The following MYRFL variants were observed in gnomAD, a reference collection of about 807,000 sequenced individuals.
MYRFL encodes myelin regulatory factor-like protein.
MYRFL carries 88 observed loss-of-function variants against 109.4 expected under a neutral mutation model. The ratio of observed to expected loss-of-function variants is 0.80; its 90% CI spans 0.68 to 0.96. The LOEUF is 0.96. Ranked by LOEUF, MYRFL falls within the 40% of genes least tolerant of loss-of-function variation. The pLI is 0.00. For missense variants in MYRFL, 957 were observed against 954.9 expected, an observed-to-expected ratio of 1.00 and a Z score of -0.03; for synonymous variants, 324 against 320.9, an observed-to-expected ratio of 1.01 and a Z score of -0.10.
At chr12:69,870,911 T>C (rs1358542640) in intron 2 of MYRFL, among the ~76,000 whole-genome samples, 1 of 152,224 alleles carries the variant, frequency 6.6e-6, no homozygotes, top group Non-Finnish European at 1.5e-5. Context: ...GTTTACAATA[T>C]GCCAAGCCAT....
intron 1 of MYRFL, among the ~76,000 whole-genome samples, chr12:69,830,447 G>T (rs1018220326): frequency 6.7e-6 from 1 of 149,856 alleles, no homozygotes; most frequent in Non-Finnish European, 1.5e-5. Context: ...ATAATATAGA[G>T]AGAGATAATA....
At chr12:69,955,867 C>T (rs1274978711) in intron 22 of MYRFL, among the ~76,000 whole-genome samples, 2 of 150,940 alleles carry the variant, frequency 1.3e-5, no homozygotes, top group African/African-American at 4.9e-5. Context: ...AAAAAGGAAC[C>T]AGAGTTTGGA....
intron 1 of MYRFL, among the ~76,000 whole-genome samples, chr12:69,838,664 T>C (rs187794762): frequency 1.3e-5 from 2 of 152,348 alleles, no homozygotes; most frequent in Admixed American, 6.5e-5. Flanking sequence ...AAAAAATGTA[T>C]GTAACATAAA....
chr12:69,895,393 G>A lies in MYRFL; in HGVS notation c.1003G>A (p.Val335Ile), dbSNP rs779703434. Residue 335 changes from valine (V) to isoleucine (I), a missense_variant, in exon 9 of 25, where the codon GTC becomes ATC. Val to Ile is a conservative substitution (Grantham distance 29). Coordinates refer to ENST00000552032, the MANE Select transcript of MYRFL (RefSeq NM_182530.3). ...TAGAATTGACCTACTGGCTGACCAG[G>A]TCACCAAAGTAACACTGGGACGATT... is the stretch of plus-strand genomic sequence containing the variant. ...PVKIDLLADQVTKVTLGRLHF... is the reference protein window; with the variant it reads ...PVKIDLLADQITKVTLGRLHF... 2.0e-6 allele frequency: 3 copies of A among 1,535,326 alleles called. No individual in the cohort carries two copies. The highest frequency in any genetic ancestry group is 1.2e-5 in the South Asian group (1 of 84,028).
In MYRFL at chr12:69,943,822, C is replaced by G. The variant is rs191983951; in HGVS notation, c.2224+7190C>G. On this transcript the variant is annotated intron_variant, in intron 19 of 24. Coordinates refer to ENST00000552032, the MANE Select transcript of MYRFL (RefSeq NM_182530.3). ...TAATATCCAGAATCTACAATGAACT[C>G]AAACACATTTACAAGAAAAAAACAA... is the stretch of plus-strand genomic sequence containing the variant. Among the ~76,000 whole-genome samples the G allele has an allele frequency of 2.6e-5, 4 of 151,842 alleles. No homozygotes were observed. In the East Asian group the frequency reaches 7.8e-4, roughly 30 times the overall value.
At position 69,936,581 on chromosome 12, in the gene MYRFL, C is replaced by T; in HGVS notation, c.2173C>T (p.Pro725Ser). 6.5e-7 allele frequency: 1 copy of T among 1,536,024 alleles called. No individual in the cohort carries two copies. The highest frequency in any genetic ancestry group is 1.2e-5 in the South Asian group (1 of 84,040). The change falls in exon 19 of 25, where the codon CCT (proline) becomes TCT (serine). Residue 725 changes from proline to serine, a missense_variant. By Grantham distance (74) the Pro-to-Ser change is moderately conservative. Coordinates refer to ENST00000552032, the MANE Select transcript of MYRFL (RefSeq NM_182530.3). ...IRGMKEVSSS[P>S]VQRQSEEKEF... Reference sequence around the variant, plus strand: ...GGGAATGAAAGAAGTCTCTTCAAGTCCTGTGCAAAGACAATCTGAGGAGAA... The same window carrying T: ...GGGAATGAAAGAAGTCTCTTCAAGTTCTGTGCAAAGACAATCTGAGGAGAA...
intron 5 of MYRFL, among the ~76,000 whole-genome samples, chr12:69,883,856 A>C (rs1886283031): frequency 6.6e-6 from 1 of 152,158 alleles, no homozygotes; most frequent in Non-Finnish European, 1.5e-5. Context: ...AGCCTGTGTG[A>C]CGGAGCAAGA....
intron 21 of MYRFL, among the ~76,000 whole-genome samples, chr12:69,953,101 C>A (rs990249548): frequency 6.6e-6 from 1 of 152,138 alleles, no homozygotes; most frequent in African/African-American, 2.4e-5. Flanking sequence ...TAGTGATTCC[C>A]GTCTCCTGGT....
chr12:69,831,046 A>G (rs1882600456), intron 1 of MYRFL, among the ~76,000 whole-genome samples: 1 of 152,178 alleles, frequency 6.6e-6, no homozygotes, highest in Non-Finnish European at 1.5e-5. Context: ...CATTATCACT[A>G]GTAATTTTAC....
intron 2 of MYRFL, among the ~76,000 whole-genome samples, chr12:69,862,856 T>G (rs1200597546): frequency 6.6e-6 from 1 of 152,210 alleles, no homozygotes; most frequent in Non-Finnish European, 1.5e-5. Flanking sequence ...TTCCAGTTTT[T>G]GCCCATTCAG....
At chr12:69,876,524 A>G (rs1885674381) in intron 2 of MYRFL, among the ~76,000 whole-genome samples, 1 of 151,956 alleles carries the variant, frequency 6.6e-6, no homozygotes, top group Non-Finnish European at 1.5e-5. Flanking sequence ...TTCCCTATTT[A>G]TCTGGTTTTG....
rs531178305 is a variant in MYRFL at position 69,888,775 on chromosome 12, T to C, written c.707+1805T>C. ...TTATTCTCAACTAAGACGGTTCTTA[T>C]TACCCTCTGTAGTAAAATCTACATA... On this transcript the variant is annotated intron_variant, in intron 6 of 24. Coordinates refer to ENST00000552032, the MANE Select transcript of MYRFL (RefSeq NM_182530.3). Among the ~76,000 whole-genome samples the C allele has an allele frequency of 1.1e-3, 166 of 152,350 alleles. 2 individuals carry two copies. The South Asian group carries it at 0.027, about 25-fold the overall frequency.
intron 2 of MYRFL, among the ~76,000 whole-genome samples, chr12:69,866,889 G>C (rs891218824): frequency 1.3e-5 from 2 of 152,200 alleles, no homozygotes; most frequent in African/African-American, 4.8e-5. Context: ...AAAATTACAT[G>C]AGTGTTTTTA....
At chr12:69,894,569 G>A (rs905060151) in intron 8 of MYRFL, among the ~76,000 whole-genome samples, 3 of 152,160 alleles carry the variant, frequency 2.0e-5, no homozygotes, top group Non-Finnish European at 4.4e-5. Flanking sequence ...GTATATCCAT[G>A]CTGTACTTAG....
At chr12:69,913,940 T>C (rs1202601266) in intron 13 of MYRFL, among the ~76,000 whole-genome samples, 2 of 152,218 alleles carry the variant, frequency 1.3e-5, no homozygotes, top group African/African-American at 2.4e-5. Flanking sequence ...ACATGGGATG[T>C]ATTTCTGTTT....
intron 1 of MYRFL, among the ~76,000 whole-genome samples, chr12:69,854,426 C>A (rs746539734): frequency 2.6e-5 from 4 of 151,824 alleles, no homozygotes; most frequent in Admixed American, 1.3e-4. Context: ...CTCTGTCACC[C>A]TGGCTGGAGT....
Position 69,932,552 on chromosome 12 carries a change from G to GT in MYRFL, c.1874dup (p.Gln626ProfsTer25). Reference sequence around the variant, plus strand: ...AAAAAGACAGGCGTGTCCTAATTGGGTTTTCCAGACCTTGGTTATAACTCT... The same window carrying GT: ...AAAAAGACAGGCGTGTCCTAATTGGGTTTTTCCAGACCTTGGTTATAACTCT... On this transcript the variant is annotated frameshift_variant, in exon 16 of 25. Transcript: ENST00000552032. LOFTEE classifies it high-confidence loss of function. The GT allele has an allele frequency of 6.5e-7, 1 of 1,536,052 alleles. No individual in the cohort carries two copies. The highest frequency in any genetic ancestry group is 2.4e-5 in the East Asian group (1 of 40,906).
At chr12:69,884,128 T>C (rs1384795096) in intron 5 of MYRFL, among the ~76,000 whole-genome samples, 3 of 152,332 alleles carry the variant, frequency 2.0e-5, no homozygotes, top group South Asian at 2.1e-4. Flanking sequence ...CTCTTCTTGA[T>C]GTACACTGTC....
intron 22 of MYRFL, 83 bp from the exon 23 acceptor site, chr12:69,957,739 G>C: frequency 1.4e-6 from 2 of 1,426,192 alleles, no homozygotes; most frequent in African/African-American, 1.4e-5. Context: ...GTTCCCATTA[G>C]ATCCTCCTCT....
Sources: allele counts gnomAD v4.1 joint callset (sites outside exome capture counted in the v4.1 genomes callset), GRCh38; gene constraint gnomAD v4.1.1; transcripts MANE v1.5; gene names NCBI Gene and HGNC (gene_info 2026-07-23, HGNC 2026-07-21).